The following GPR39 variants were observed in gnomAD, a reference collection of about 807,000 sequenced individuals.
The protein encoded by GPR39 is G protein-coupled receptor 39, also known as zinc sensing receptor.
GPR39 carries 23 observed loss-of-function variants against 18.4 expected under a neutral mutation model. The ratio of observed to expected loss-of-function variants is 1.25; its 90% CI spans 0.90 to 1.77. The LOEUF is 1.77. Ranked by LOEUF, GPR39 falls within the 40% of genes most tolerant of loss-of-function variation. GPR39 has a pLI of 0.00. For synonymous variants in GPR39, 280 were observed against 257.9 expected (o/e 1.09, Z -0.82); for missense variants, 647 against 602.4 (o/e 1.07, Z -0.78).
chr2:132,540,674 T>G (rs904185396), intron 1 of GPR39, among the ~76,000 whole-genome samples: 7 of 152,126 alleles, frequency 4.6e-5, no homozygotes, highest in Non-Finnish European at 7.3e-5. Context: ...GGGTTTGTAA[T>G]TTTGTCTCAG....
intron 1 of GPR39, among the ~76,000 whole-genome samples, chr2:132,442,788 T>G (rs1320999783): frequency 6.6e-6 from 1 of 152,200 alleles, no homozygotes; most frequent in Non-Finnish European, 1.5e-5. Context: ...AATTTGTGGT[T>G]TCGGAGATAT....
intron 1 of GPR39, among the ~76,000 whole-genome samples, chr2:132,476,180 TG>T (rs1681122021): frequency 6.6e-6 from 1 of 152,120 alleles, no homozygotes; most frequent in African/African-American, 2.4e-5. Context: ...GGCCTAGTAG[TG>T]TCATGTCATT....
intron 1 of GPR39, among the ~76,000 whole-genome samples, chr2:132,529,842 A>G (rs1262828341): frequency 6.6e-6 from 1 of 152,058 alleles, no homozygotes; most frequent in Non-Finnish European, 1.5e-5. Context: ...CCACACCAAA[A>G]CCCCATCTGT....
intron 1 of GPR39, among the ~76,000 whole-genome samples, chr2:132,638,228 A>G (rs1444684020): frequency 6.6e-6 from 1 of 152,196 alleles, no homozygotes. Flanking sequence ...GAGTGGAACC[A>G]GAGGGAGGGA....
rs1272016015 is a variant in GPR39 at position 132,625,966 on chromosome 2, G to A, written c.857-19135G>A. ...AATACAAAAATTATCTGGGCGTGGT[G>A]GTGGGTGCCTATAGTCCCAGCTACT... On this transcript the variant is annotated intron_variant, in intron 1 of 1. Coordinates refer to ENST00000329321, the MANE Select transcript of GPR39 (RefSeq NM_001508.3). 3.3e-5 allele frequency among the ~76,000 whole-genome samples: 5 copies of A among 152,118 alleles called. No homozygotes were observed. In the East Asian group the frequency reaches 7.7e-4, roughly 24 times the overall value.
At chr2:132,459,010 A>G (rs1395390320) in intron 1 of GPR39, among the ~76,000 whole-genome samples, 2 of 152,128 alleles carry the variant, frequency 1.3e-5, no homozygotes, top group East Asian at 3.9e-4. Flanking sequence ...TTTAGAGCCC[A>G]TTTCCATTGT....
chr2:132,575,335 T>C (rs930791929), intron 1 of GPR39, among the ~76,000 whole-genome samples: 1 of 152,224 alleles, frequency 6.6e-6, no homozygotes, highest in African/African-American at 2.4e-5. Flanking sequence ...GTTTAAACTT[T>C]GTATTTTAAG....
At chr2:132,561,278 T>G (rs1418806093) in intron 1 of GPR39, among the ~76,000 whole-genome samples, 1 of 152,250 alleles carries the variant, frequency 6.6e-6, no homozygotes, top group East Asian at 1.9e-4. Context: ...CTTTTCCTCC[T>G]GGGTCCCACT....
intron 1 of GPR39, among the ~76,000 whole-genome samples, chr2:132,621,157 C>G (rs1378513631): frequency 6.6e-6 from 1 of 152,206 alleles, no homozygotes; most frequent in African/African-American, 2.4e-5. Context: ...GCTTCCCTGG[C>G]TTCAGCCACC....
chr2:132,606,957 G>A (rs926790561), intron 1 of GPR39, among the ~76,000 whole-genome samples: 11 of 152,206 alleles, frequency 7.2e-5, no homozygotes, highest in African/African-American at 2.7e-4. Flanking sequence ...TTTTCCAAAG[G>A]CAGTGGTTTG....
At chr2:132,502,748 G>T (rs775912842) in intron 1 of GPR39, among the ~76,000 whole-genome samples, 11 of 152,118 alleles carry the variant, frequency 7.2e-5, no homozygotes, top group Admixed American at 2.0e-4. Flanking sequence ...AAACTTCTTG[G>T]AGGCTTTGTT....
At chr2:132,456,526 G>A (rs541794393) in intron 1 of GPR39, among the ~76,000 whole-genome samples, 1 of 152,238 alleles carries the variant, frequency 6.6e-6, no homozygotes, top group South Asian at 2.1e-4. Flanking sequence ...TCATTATGAT[G>A]TTTGCTGTTT....
chr2:132,606,835 C>T lies in GPR39; in HGVS notation c.857-38266C>T, dbSNP rs549433104. Among the ~76,000 whole-genome samples, 15 of 152,280 alleles carry T rather than the reference C, an allele frequency of 9.9e-5. 1 individual carries two copies. In the South Asian group the frequency reaches 1.5e-3, roughly 15 times the overall value. On this transcript the variant is annotated intron_variant, in intron 1 of 1. Transcript: ENST00000329321. ...AGGTGGTCTTCCCCTGTGGTCGGGC[C>T]GCTCAATGGCCAAACTAACCTCCAA... is the stretch of plus-strand genomic sequence containing the variant.
chr2:132,480,550 G>C (rs1681214347), intron 1 of GPR39, among the ~76,000 whole-genome samples: 1 of 152,136 alleles, frequency 6.6e-6, no homozygotes, highest in South Asian at 2.1e-4. Flanking sequence ...GATGTAACTA[G>C]GGCAGGGACA....
chr2:132,645,968 A>C lies in GPR39; in HGVS notation c.*362A>C, dbSNP rs1682047395. Reference sequence around the variant, plus strand: ...CCAGAATAAAAGGACACCCAGAAGAAACTCACTCAGGGAGGTGGGGGGTTG... The same window carrying C: ...CCAGAATAAAAGGACACCCAGAAGACACTCACTCAGGGAGGTGGGGGGTTG... On this transcript the variant is annotated 3_prime_UTR_variant, in exon 2 of 2. Transcript: ENST00000329321. 2 of 1,114,112 alleles carry C rather than the reference A, an allele frequency of 1.8e-6. No individual in the cohort carries two copies. The highest frequency in any genetic ancestry group is 3.4e-5 in the South Asian group (2 of 59,538). 69.0% of individuals were successfully genotyped at this position (1,114,112 alleles called of 1,614,324 possible).
chr2:132,457,070 G>A (rs961137607), intron 1 of GPR39, among the ~76,000 whole-genome samples: 84 of 152,232 alleles, frequency 5.5e-4, no homozygotes, highest in South Asian at 2.1e-4. Flanking sequence ...ATCCTGAAGA[G>A]TGTTTTCCAA....
chr2:132,457,373 C>A (rs943976124), intron 1 of GPR39, among the ~76,000 whole-genome samples: 2 of 152,146 alleles, frequency 1.3e-5, no homozygotes, highest in African/African-American at 4.8e-5. Flanking sequence ...TCGAGTTAAC[C>A]ATCGTCTAAT....
At chr2:132,534,985 A>G (rs13394190) in intron 1 of GPR39, among the ~76,000 whole-genome samples, 23,580 of 143,286 alleles carry the variant, frequency 0.16, 1,871 homozygotes, top group Middle Eastern at 0.25. Flanking sequence ...AACCTAAAGT[A>G]TAATAATAAT....
intron 1 of GPR39, among the ~76,000 whole-genome samples, chr2:132,602,640 A>AGATATT (rs1470433354): frequency 6.6e-6 from 1 of 152,056 alleles, no homozygotes; most frequent in Non-Finnish European, 1.5e-5. Flanking sequence ...CTATACATCC[A>AGATATT]GCAAGAGACT....
Sources: gnomAD v4.1 joint callset for allele counts (sites outside exome capture counted in the v4.1 genomes callset) on GRCh38, gnomAD v4.1.1 for gene constraint, MANE v1.5 for transcripts, NCBI Gene and HGNC (gene_info 2026-07-23, HGNC 2026-07-21) for gene names.